Variants in STK31 observed in about 807,000 individuals in gnomAD.
STK31 encodes the protein serine/threonine-protein kinase 31.
In STK31, 89 loss-of-function variants were observed where a neutral mutation model predicts 129.7. That is an observed-to-expected ratio of 0.69 (90% CI 0.58 to 0.82). STK31 has a LOEUF of 0.82. Among genes scored for constraint, STK31 ranks in the 40% least tolerant of loss-of-function variants. The pLI, the probability that STK31 is intolerant of heterozygous loss-of-function variation, is 0.00. For synonymous variants in STK31, 448 were observed against 395.3 expected (o/e 1.13, Z -1.58); for missense variants, 1,187 against 1,176.4 (o/e 1.01, Z -0.13).
chr7:23,736,601 G>T, intron 7 of STK31, among the ~76,000 whole-genome samples: 1 of 151,380 alleles, frequency 6.6e-6, no homozygotes, highest in African/African-American at 2.4e-5. Flanking sequence ...GGGATCACAG[G>T]AGGGACTGGA....
chr7:23,822,005 T>G (rs951107004), intron 23 of STK31, among the ~76,000 whole-genome samples: 6 of 152,198 alleles, frequency 3.9e-5, no homozygotes, highest in Non-Finnish European at 7.3e-5. Context: ...TGCATATATC[T>G]ATTTCTATAC....
At chr7:23,739,951 A>G (rs546631367) in intron 8 of STK31, among the ~76,000 whole-genome samples, 4 of 152,336 alleles carry the variant, frequency 2.6e-5, no homozygotes, top group East Asian at 3.9e-4. Flanking sequence ...TGTCTTGGCT[A>G]TACGGGCTCT....
intron 9 of STK31, 24 bp downstream of exon 9, chr7:23,752,856 A>G: frequency 6.7e-7 from 1 of 1,481,702 alleles, no homozygotes; most frequent in Non-Finnish European, 9.4e-7. Flanking sequence ...TATTTTTCAG[A>G]AGGATATTTT....
chr7:23,745,281 G>T lies in STK31; in HGVS notation c.1018-7436G>T, dbSNP rs199826634. ...ACTGGTGAGAGGGGTTATGGAGCTGGGTAGAGTGGACCTGTCCTCAGGTCC... is the reference window on the plus strand; with the variant it reads ...ACTGGTGAGAGGGGTTATGGAGCTGTGTAGAGTGGACCTGTCCTCAGGTCC... On this transcript the variant is annotated intron_variant, in intron 8 of 23. Transcript: ENST00000355870. 2.6e-5 allele frequency among the ~76,000 whole-genome samples: 4 copies of T among 152,128 alleles called. No homozygotes were observed. In the East Asian group the frequency reaches 7.7e-4, roughly 29 times the overall value.
At chr7:23,710,154 C>T, upstream of STK31, 3 of 1,516,844 alleles carry the variant, frequency 2.0e-6, no homozygotes, top group Non-Finnish European at 9.0e-7. Flanking sequence ...GTGGCTGCCA[C>T]GTGACTCCCG....
intron 7 of STK31, among the ~76,000 whole-genome samples, chr7:23,736,578 G>T (rs1584354966): frequency 9.4e-6 from 1 of 106,524 alleles, no homozygotes; most frequent in South Asian, 4.3e-4. Flanking sequence ...CAGGACGGGG[G>T]GATCACGGGG....
intron 22 of STK31, among the ~76,000 whole-genome samples, chr7:23,802,678 T>G (rs1010336589): frequency 6.6e-6 from 1 of 152,176 alleles, no homozygotes; most frequent in Non-Finnish European, 1.5e-5. Context: ...CACACTCGGC[T>G]AATTTTTGTA....
At chr7:23,719,474 C>G (rs189207607) in intron 4 of STK31, among the ~76,000 whole-genome samples, 66 of 152,164 alleles carry the variant, frequency 4.3e-4, no homozygotes, top group African/African-American at 1.3e-3. Context: ...CACAAGTTTT[C>G]CAGATATAAA....
intron 23 of STK31, among the ~76,000 whole-genome samples, chr7:23,828,955 A>G (rs1218036489): frequency 6.6e-6 from 1 of 150,704 alleles, no homozygotes. Flanking sequence ...GCTGGAGTGC[A>G]GTGGCGTGAT....
chr7:23,806,724 C>A (rs923238387), intron 22 of STK31, among the ~76,000 whole-genome samples: 27 of 151,906 alleles, frequency 1.8e-4, no homozygotes, highest in Admixed American at 3.9e-4. Flanking sequence ...CATGGTGAAA[C>A]CCCGTCTCTA....
chr7:23,815,491 A>G (rs28671330), intron 23 of STK31, among the ~76,000 whole-genome samples: 15,101 of 152,144 alleles, frequency 0.099, 1,071 homozygotes, highest in African/African-American at 0.2. Flanking sequence ...ATAGTAAAAT[A>G]ATGTTTTATT....
chr7:23,753,349 A>G (rs953557569), intron 9 of STK31, among the ~76,000 whole-genome samples: 1 of 152,150 alleles, frequency 6.6e-6, no homozygotes, highest in African/African-American at 2.4e-5. Flanking sequence ...GTATTGTCCC[A>G]GTATGAGTGA....
intron 23 of STK31, among the ~76,000 whole-genome samples, chr7:23,830,123 G>A (rs1242622777): frequency 2.0e-5 from 3 of 151,890 alleles, no homozygotes; most frequent in African/African-American, 7.2e-5. Flanking sequence ...CTAATTTTAT[G>A]TTTTGTATTT....
intron 8 of STK31, among the ~76,000 whole-genome samples, chr7:23,750,079 A>AC (rs1788622449): frequency 6.1e-5 from 4 of 65,246 alleles, no homozygotes; most frequent in Non-Finnish European, 1.4e-4. Context: ...CCCCCCCGCC[A>AC]CTGCTGGAAA....
intron 8 of STK31, among the ~76,000 whole-genome samples, chr7:23,740,652 C>CA (rs1165491469): frequency 6.6e-6 from 1 of 152,244 alleles, no homozygotes; most frequent in South Asian, 2.1e-4. Context: ...CCACTCCCCC[C>CA]ACCCCACAAC....
chr7:23,774,436 A>C (rs12666297), intron 15 of STK31, among the ~76,000 whole-genome samples: 19,857 of 152,052 alleles, frequency 0.13, 1,287 homozygotes, highest in East Asian at 0.22. Context: ...CATCCTCCCC[A>C]CTGTCTGTTG....
At chr7:23,737,846 C>T (rs1787805859) in intron 8 of STK31, among the ~76,000 whole-genome samples, 1 of 146,332 alleles carries the variant, frequency 6.8e-6, no homozygotes, top group African/African-American at 2.5e-5. Context: ...CCCAGGGATA[C>T]AGTGTGGTTG....
chr7:23,787,741 T>TACACACACACACACAC (rs71888376), intron 20 of STK31, among the ~76,000 whole-genome samples: 1 of 145,516 alleles, frequency 6.9e-6, no homozygotes, highest in African/African-American at 2.6e-5. Context: ...GGTATGATTG[T>TACACACACACACACAC]ACACACACAC....
At chr7:23,811,449 C>A in intron 22 of STK31, 1 of 323,098 alleles carries the variant, frequency 3.1e-6, no homozygotes, top group South Asian at 3.5e-5. Context: ...ATGACAATAT[C>A]AATACCAGTG....
Sources: allele counts gnomAD v4.1 joint callset (sites outside exome capture counted in the v4.1 genomes callset), GRCh38; gene constraint gnomAD v4.1.1; transcripts MANE v1.5; gene names NCBI Gene and HGNC (gene_info 2026-07-23, HGNC 2026-07-21).